The following MAPK6 variants were observed in gnomAD, a reference collection of about 807,000 sequenced individuals.
MAPK6 encodes mitogen-activated protein kinase 6.
Under a neutral mutation model 59.3 loss-of-function variants are expected in MAPK6, and 19 were observed. The observed-to-expected ratio is 0.32, with a 90% confidence interval of 0.22 to 0.47. MAPK6 has a LOEUF of 0.47. Ranked by LOEUF, MAPK6 falls within the 20% of genes least tolerant of loss-of-function variation. The pLI is 1.00. For missense variants in MAPK6, 724 were observed against 847.9 expected, an observed-to-expected ratio of 0.85 and a Z score of 1.81; for synonymous variants, 316 against 290.3, an observed-to-expected ratio of 1.09 and a Z score of -0.90.
chr15:51,984,651 G>A (rs1338430630), intron 2 of MAPK6, among the ~76,000 whole-genome samples: 1 of 151,846 alleles, frequency 6.6e-6, no homozygotes, highest in African/African-American at 2.4e-5. Flanking sequence ...GATGTGTACA[G>A]TGATGCGCTA....
intron 2 of MAPK6, among the ~76,000 whole-genome samples, chr15:51,984,765 T>G (rs1469609769): frequency 5.3e-5 from 8 of 151,986 alleles, no homozygotes; most frequent in Admixed American, 5.3e-4. Context: ...GATTTCAAGC[T>G]GTCAATGTAT....
chr15:52,039,819 T>C (rs1396198580), intron 1 of MAPK6, among the ~76,000 whole-genome samples: 1 of 152,088 alleles, frequency 6.6e-6, no homozygotes. Flanking sequence ...GCCCAGCCTG[T>C]TTTGTCTTTA....
chr15:52,026,929 A>C (rs1685849409), intron 1 of MAPK6, among the ~76,000 whole-genome samples: 1 of 150,610 alleles, frequency 6.6e-6, no homozygotes, highest in African/African-American at 2.4e-5. Flanking sequence ...GCATACCTGT[A>C]CTCCCAGCTA....
Position 52,061,447 on chromosome 15 carries a change from T to G in MAPK6, c.1014T>G (p.Val338=). The G allele has an allele frequency of 6.2e-7, 1 of 1,613,886 alleles. No individual in the cohort carries two copies. The highest frequency in any genetic ancestry group is 8.5e-7 in the Non-Finnish European group (1 of 1,179,792). Residue 338 remains valine (V), a synonymous_variant, in exon 5 of 6, where the codon GTT becomes GTG. Transcript: ENST00000261845. ...ATCCTTTTCATATTGAAGATGAAGT[T>G]GATGATATTTTGCTTATGGATGAAA... ...SSHPFHIEDE[V]DDILLMDETH...
chr15:52,020,721 T>TA (rs1259698771), intron 1 of MAPK6, among the ~76,000 whole-genome samples: 1 of 152,252 alleles, frequency 6.6e-6, no homozygotes, highest in East Asian at 1.9e-4. Flanking sequence ...TTTTAATGTT[T>TA]AAAAAATAAT....
At chr15:52,008,043 C>T (rs1158495572) in intron 3 of MAPK6, among the ~76,000 whole-genome samples, 2 of 152,008 alleles carry the variant, frequency 1.3e-5, no homozygotes, top group African/African-American at 2.4e-5. Context: ...GACGGGGTTT[C>T]ACCATTTTGG....
chr15:52,041,689 TACC>T (rs1297761011), intron 1 of MAPK6, among the ~76,000 whole-genome samples: 1 of 152,198 alleles, frequency 6.6e-6, no homozygotes, highest in Non-Finnish European at 1.5e-5. Flanking sequence ...ATTTGGAATA[TACC>T]TGCCCTAAGA....
intron 2 of MAPK6, among the ~76,000 whole-genome samples, chr15:52,049,612 ATTTT>A (rs934846995): frequency 2.4e-5 from 3 of 124,180 alleles, no homozygotes; most frequent in Non-Finnish European, 3.5e-5. Context: ...AAAGATTAGG[ATTTT>A]TTTTTTTTTT....
intron 1 of MAPK6, among the ~76,000 whole-genome samples, chr15:51,978,963 T>G (rs2057165016): frequency 6.6e-6 from 1 of 150,940 alleles, no homozygotes; most frequent in African/African-American, 2.4e-5. Context: ...ACAAAAAAAT[T>G]AGCCAGGAAT....
chr15:52,040,830 A>G (rs1054340850), intron 1 of MAPK6, among the ~76,000 whole-genome samples: 1 of 152,226 alleles, frequency 6.6e-6, no homozygotes, highest in African/African-American at 2.4e-5. Context: ...CCTGCATTAT[A>G]AAGAGCTTTT....
intron 1 of MAPK6, among the ~76,000 whole-genome samples, chr15:51,980,433 A>T (rs2057169752): frequency 6.7e-6 from 1 of 150,216 alleles, no homozygotes; most frequent in African/African-American, 2.4e-5. Flanking sequence ...TTTTAGAATA[A>T]GCAGGAAAAA....
At chr15:52,060,537 A>C (rs1180377062) in intron 4 of MAPK6, among the ~76,000 whole-genome samples, 1 of 152,226 alleles carries the variant, frequency 6.6e-6, no homozygotes, top group Non-Finnish European at 1.5e-5. Context: ...TTGTGTGGCC[A>C]GGGAGCAGAG....
chr15:51,977,127 C>G lies in MAPK6; in HGVS notation c.-880+5221C>G, dbSNP rs577799047. 9.9e-5 allele frequency among the ~76,000 whole-genome samples: 15 copies of G among 151,020 alleles called. No individual in the cohort carries two copies. In the East Asian group the frequency reaches 3.0e-3, roughly 30 times the overall value. On this transcript the variant is annotated intron_variant, in intron 1 of 7. Coordinates refer to the MAPK6 transcript ENST00000691380. ...CTACAATTCTCCTGCCTCAGCCTCCCGAGTAGCTGGGATTACAGGTGCACA... is the reference window on the plus strand; with the variant it reads ...CTACAATTCTCCTGCCTCAGCCTCCGGAGTAGCTGGGATTACAGGTGCACA...
rs779899775 is a variant in MAPK6, at chr15:52,064,181, G to C, written c.1347G>C (p.Arg449Ser). The change falls in exon 6 of 6, where the codon AGG (arginine) becomes AGC (serine). Residue 449 changes from arginine (R) to serine (S), a missense_variant. Transcript: ENST00000261845. ...GCCATACTTGTAACTACAAAACGAG[G>C]TCATCATCATATTTAGATAACTTAG... ...ECSHTCNYKT[R>S]SSSYLDNLVW... 2 of 1,612,892 alleles carry C rather than the reference G, an allele frequency of 1.2e-6. No homozygotes were observed. Among genetic ancestry groups the C allele is most frequent in the Non-Finnish European group, 1.7e-6 (2 of 1,179,746 alleles).
upstream of MAPK6, among the ~76,000 whole-genome samples, chr15:52,014,520 T>A (rs1174637417): frequency 1.3e-5 from 2 of 152,070 alleles, no homozygotes; most frequent in Non-Finnish European, 2.9e-5. Flanking sequence ...GAGACCAGCC[T>A]GGGCAACATA....
intron 3 of MAPK6, among the ~76,000 whole-genome samples, chr15:52,005,711 G>T (rs1269070888): frequency 6.6e-6 from 1 of 152,098 alleles, no homozygotes; most frequent in Non-Finnish European, 1.5e-5. Context: ...AGGGAGGGGA[G>T]GTAGGTGCTA....
chr15:52,015,107 TCTCCTGC>T (rs2030196502), upstream of MAPK6, among the ~76,000 whole-genome samples: 1 of 151,972 alleles, frequency 6.6e-6, no homozygotes, highest in Non-Finnish European at 1.5e-5. Flanking sequence ...TTCAAGCAAT[TCTCCTGC>T]CTCAGCCTCC....
intron 2 of MAPK6, 41 bp downstream of exon 2, chr15:52,047,056 T>TA (rs1177933224): frequency 8.6e-6 from 12 of 1,391,330 alleles, no homozygotes; most frequent in Non-Finnish European, 1.2e-5. Flanking sequence ...TTTAAACTGA[T>TA]ACACCTAATC....
chr15:51,995,933 AAAAGAAAGAAGG>A (rs1475412415), intron 2 of MAPK6, among the ~76,000 whole-genome samples: 2 of 151,884 alleles, frequency 1.3e-5, no homozygotes, highest in African/African-American at 2.4e-5. Context: ...GTTTCAAAAA[AAAAGAAAGAAGG>A]AAAGAAAGAA....
Sources: gnomAD v4.1 joint callset for allele counts (sites outside exome capture counted in the v4.1 genomes callset) on GRCh38, gnomAD v4.1.1 for gene constraint, MANE v1.5 for transcripts, NCBI Gene and HGNC (gene_info 2026-07-23, HGNC 2026-07-21) for gene names.